AGBL4: variants seen among roughly 807,000 people sequenced by gnomAD.
AGBL4 encodes the protein AGBL carboxypeptidase 4.
A neutral mutation model predicts 66.4 loss-of-function variants in AGBL4; 58 were observed. That is an observed-to-expected ratio of 0.87 (90% CI 0.71 to 1.09). AGBL4 has a LOEUF of 1.09. Ranked by LOEUF, AGBL4 falls within the 50% of genes least tolerant of loss-of-function variation. The probability of loss-of-function intolerance (pLI) is 0.00; values close to 1 mark genes in which losing one functional copy is unlikely to be tolerated. For synonymous variants in AGBL4, 234 were observed against 222.9 expected, an observed-to-expected ratio of 1.05 and a Z score of -0.44; for missense variants, 579 against 631.0, an observed-to-expected ratio of 0.92 and a Z score of 0.88.
chr1:49,866,492 G>A (rs773471119), intron 1 of AGBL4, among the ~76,000 whole-genome samples: 23 of 152,094 alleles, frequency 1.5e-4, no homozygotes, highest in Non-Finnish European at 2.4e-4. Context: ...GGCTGGGCAC[G>A]GTGGCTCACA....
chr1:48,694,402 G>A (rs933673147), intron 6 of AGBL4, among the ~76,000 whole-genome samples: 4 of 152,174 alleles, frequency 2.6e-5, no homozygotes, highest in Admixed American at 6.5e-5. Context: ...AGCTATGTGT[G>A]CAAATTAACT....
At chr1:48,858,794 T>A (rs890563657) in intron 6 of AGBL4, among the ~76,000 whole-genome samples, 1 of 152,158 alleles carries the variant, frequency 6.6e-6, no homozygotes, top group Non-Finnish European at 1.5e-5. Context: ...TGAAAACCAC[T>A]AAATTATCAC....
At chr1:48,730,977 G>A (rs937277118) in intron 6 of AGBL4, among the ~76,000 whole-genome samples, 4 of 152,110 alleles carry the variant, frequency 2.6e-5, no homozygotes, top group South Asian at 2.1e-4. Flanking sequence ...CCAAAGCAGC[G>A]TCAATGTTTG....
At position 49,089,237 on chromosome 1, in the gene AGBL4, A is replaced by G. The variant is rs901655488; in HGVS notation, c.378-43437T>C. 2.0e-5 allele frequency among the ~76,000 whole-genome samples: 3 copies of G among 151,582 alleles called. No homozygotes were observed. The East Asian group carries it at 5.9e-4, about 30-fold the overall frequency. On this transcript the variant is annotated intron_variant, in intron 4 of 13. Transcript: ENST00000371839. ...CCAAACCTGAAGCAAGCAGAAGACA[A>G]GAAATCACCAAATTCAGAGCTGAAC... is the stretch of plus-strand genomic sequence containing the variant.
chr1:48,638,091 C>T (rs1439866805), intron 8 of AGBL4, among the ~76,000 whole-genome samples: 1 of 152,254 alleles, frequency 6.6e-6, no homozygotes, highest in African/African-American at 2.4e-5. Context: ...TTGGGCATGT[C>T]ACCAGCTTGC....
At chr1:48,858,650 T>C (rs972294842) in intron 6 of AGBL4, among the ~76,000 whole-genome samples, 13 of 152,188 alleles carry the variant, frequency 8.5e-5, no homozygotes, top group East Asian at 1.9e-4. Context: ...CAGAAAGTTA[T>C]AACAGCGGTT....
rs763098363 is a variant in AGBL4 at position 48,943,220 on chromosome 1, G to A, written c.595-75990C>T. Among the ~76,000 whole-genome samples, 8 of 152,322 alleles carry A rather than the reference G, an allele frequency of 5.3e-5. No individual in the cohort carries two copies. In the South Asian group the frequency reaches 1.5e-3, roughly 28 times the overall value. On this transcript the variant is annotated intron_variant, in intron 5 of 13. Coordinates refer to ENST00000371839, the MANE Select transcript of AGBL4 (RefSeq NM_032785.4). ...CACTGACAATGTCCCTGCCCCCATA[G>A]CGCCTAAATCCAGTGTGTGGGAGAA...
chr1:49,442,795 T>G (rs1646065263), intron 3 of AGBL4, among the ~76,000 whole-genome samples: 1 of 152,228 alleles, frequency 6.6e-6, no homozygotes, highest in Non-Finnish European at 1.5e-5. Flanking sequence ...CTGGATCAGA[T>G]GGAAGTTTTT....
intron 3 of AGBL4, among the ~76,000 whole-genome samples, chr1:49,518,196 C>T (rs1649983973): frequency 6.6e-6 from 1 of 152,040 alleles, no homozygotes; most frequent in Non-Finnish European, 1.5e-5. Context: ...AGTTAGGTTA[C>T]ATTCATTCAG....
intron 10 of AGBL4, among the ~76,000 whole-genome samples, chr1:48,589,178 G>T (rs1644875417): frequency 6.6e-6 from 1 of 152,126 alleles, no homozygotes; most frequent in African/African-American, 2.4e-5. Flanking sequence ...GGAGCTACCT[G>T]CTTTGATTCT....
intron 6 of AGBL4, among the ~76,000 whole-genome samples, chr1:48,787,781 G>C (rs565062284): frequency 6.6e-6 from 1 of 152,120 alleles, no homozygotes; most frequent in Non-Finnish European, 1.5e-5. Context: ...TTTTGCTAAC[G>C]TAAGGATGGA....
intron 1 of AGBL4, among the ~76,000 whole-genome samples, chr1:49,913,006 C>T (rs1334312412): frequency 6.6e-6 from 1 of 152,228 alleles, no homozygotes; most frequent in Non-Finnish European, 1.5e-5. Flanking sequence ...TAAATTTCAA[C>T]ATGAGTTTTA....
intron 4 of AGBL4, among the ~76,000 whole-genome samples, chr1:49,160,909 CTT>C (rs1349819057): frequency 6.6e-6 from 1 of 152,184 alleles, no homozygotes; most frequent in Non-Finnish European, 1.5e-5. Flanking sequence ...CCCCACCAAA[CTT>C]GAGCATCCCA....
intron 5 of AGBL4, among the ~76,000 whole-genome samples, chr1:48,885,929 GGGATGAACTACATACCT>G (rs1329223787): frequency 6.6e-6 from 1 of 152,178 alleles, no homozygotes; most frequent in African/African-American, 2.4e-5. Context: ...CCATCACACT[GGGATGAACTACATACCT>G]GGATGAGAGT....
chr1:49,293,410 CA>C (rs1644581706), intron 3 of AGBL4, among the ~76,000 whole-genome samples: 1 of 152,144 alleles, frequency 6.6e-6, no homozygotes. Flanking sequence ...TGCCACTGGT[CA>C]CAGAGGTTTC....
chr1:49,919,122 A>G (rs891283183), intron 1 of AGBL4, among the ~76,000 whole-genome samples: 1 of 152,204 alleles, frequency 6.6e-6, no homozygotes, highest in Non-Finnish European at 1.5e-5. Context: ...ACCCACAGCC[A>G]ATATCATACT....
rs530882577 is a variant in AGBL4, at chr1:49,750,351, C to A, written c.158-52914G>T. Among the ~76,000 whole-genome samples the A allele has an allele frequency of 4.7e-4, 71 of 152,158 alleles. 1 individual carries two copies. The highest frequency in any genetic ancestry group is 1.5e-3 in the African/African-American group (64 of 41,544). ...TTCCCAAAACCATTTATTAAATAAT[C>A]ATTTCTCCATTGCTTGATTTTGTCA... On this transcript the variant is annotated intron_variant, in intron 2 of 13. Coordinates refer to ENST00000371839, the MANE Select transcript of AGBL4 (RefSeq NM_032785.4).
chr1:49,176,141 A>G (rs748928630), intron 4 of AGBL4, among the ~76,000 whole-genome samples: 2 of 152,174 alleles, frequency 1.3e-5, no homozygotes, highest in South Asian at 4.2e-4. Flanking sequence ...GGTGGTGGTG[A>G]TGATGATGAT....
At chr1:49,567,630 A>C (rs1417879327) in intron 3 of AGBL4, among the ~76,000 whole-genome samples, 1 of 152,126 alleles carries the variant, frequency 6.6e-6, no homozygotes, top group Non-Finnish European at 1.5e-5. Flanking sequence ...ACATAGGGAA[A>C]CATGTGCCAT....
Sources: gnomAD v4.1 joint callset for allele counts (sites outside exome capture counted in the v4.1 genomes callset) on GRCh38, gnomAD v4.1.1 for gene constraint, MANE v1.5 for transcripts, NCBI Gene and HGNC (gene_info 2026-07-23, HGNC 2026-07-21) for gene names.